Variants in UTP14A observed in about 807,000 individuals in gnomAD.
The protein encoded by UTP14A is UTP14A small subunit processome component.
In UTP14A, 5 loss-of-function variants were observed where a neutral mutation model predicts 57.2. The ratio of observed to expected loss-of-function variants is 0.09; its 90% CI spans 0.05 to 0.18. The LOEUF (loss-of-function observed/expected upper bound fraction) is 0.18. Among genes scored for constraint, UTP14A ranks in the 10% least tolerant of loss-of-function variants. The pLI is 1.00. For missense variants in UTP14A, 430 were observed against 562.1 expected (o/e 0.76, Z 2.38); for synonymous variants, 169 against 210.9 (o/e 0.80, Z 1.72).
intron 1 of UTP14A, 46 bp downstream of exon 1, chrX:129,906,282 C>T (rs1205332426): frequency 8.6e-7 from 1 of 1,157,379 alleles, no homozygotes. Context: ...TCGTTGGGGG[C>T]CGGGTTCCCC....
rs1000252682 is a variant in UTP14A at position 129,914,525 on chromosome X, C to T, written c.537+2604C>T. Among the ~76,000 whole-genome samples, 11 of 108,491 alleles carry T rather than the reference C, an allele frequency of 1.0e-4. No homozygotes were observed. In the Admixed American group the frequency reaches 1.1e-3, roughly 11 times the overall value. The allele number at this position is 108,491 out of a possible 115,157, so 94.2% of individuals were successfully genotyped here. A position where few individuals can be genotyped will look rare whatever the true frequency, so the allele number is the denominator to read the frequency against. ...CCAGGAGGCAGAAGGTACAGTGAGC[C>T]GAGATCACGCCACTGCACTCCAGCC... On this transcript the variant is annotated intron_variant, in intron 6 of 14. Coordinates refer to ENST00000394422, the MANE Select transcript of UTP14A (RefSeq NM_006649.4).
chrX:129,926,438 GATCTTGACCGCAGAATCA>G, intron 14 of UTP14A, 99 bp downstream of exon 14: 1 of 706,064 alleles, frequency 1.4e-6, no homozygotes, highest in Non-Finnish European at 2.2e-6. Flanking sequence ...AGAGACGTGT[GATCTTGACCGCAGAATCA>G]AATCTGTTGT....
rs770217339 is a variant in UTP14A at position 129,919,738 on chromosome X, C to T, written c.752+249C>T. 2.7e-5 allele frequency among the ~76,000 whole-genome samples: 3 copies of T among 112,316 alleles called. No individual in the cohort carries two copies. The South Asian group carries it at 1.1e-3, about 41-fold the overall frequency. Reference sequence around the variant, plus strand: ...GGTTCTGCAGAATCAGCTCTGAATTCCAGAGCTGTTAAGGCCAATAGGGCT... The same window carrying T: ...GGTTCTGCAGAATCAGCTCTGAATTTCAGAGCTGTTAAGGCCAATAGGGCT... On this transcript the variant is annotated intron_variant, in intron 8 of 14. Transcript: ENST00000394422.
rs759469659 is a variant in UTP14A at position 129,906,175 on chromosome X, C to T, written c.-36C>T. The T allele has an allele frequency of 3.3e-6, 4 of 1,209,581 alleles. No homozygotes were observed. The highest frequency in any genetic ancestry group is 4.5e-6 in the Non-Finnish European group (4 of 893,667). ...ACGGAAATTGCTTTCCTTCGGCTTC[C>T]GTTCTTGGTCCATGTGAGAGAAGCT... On this transcript the variant is annotated 5_prime_UTR_variant, in exon 1 of 15. Coordinates refer to ENST00000394422, the MANE Select transcript of UTP14A (RefSeq NM_006649.4).
chrX:129,907,544 A>T (rs1929297683), intron 2 of UTP14A, 102 bp downstream of exon 2: 3 of 693,166 alleles, frequency 4.3e-6, no homozygotes, highest in Non-Finnish European at 6.4e-6. Context: ...AGGTCTCTCA[A>T]ATAAATTGCA....
Position 129,906,199 on chromosome X carries a change from C to G in UTP14A, c.-12C>G. ...CCGTTCTTGGTCCATGTGAGAGAAGCTGGCTGCTGAAATGACTGCGAACCG... is the reference window on the plus strand; with the variant it reads ...CCGTTCTTGGTCCATGTGAGAGAAGGTGGCTGCTGAAATGACTGCGAACCG... On this transcript the variant is annotated 5_prime_UTR_variant, in exon 1 of 15. Transcript: ENST00000394422. 9.9e-6 allele frequency: 12 copies of G among 1,210,550 alleles called. No individual in the cohort carries two copies. Among genetic ancestry groups the G allele is most frequent in the Non-Finnish European group, 1.3e-5 (12 of 894,829 alleles).
intron 13 of UTP14A, 27 bp downstream of exon 13, chrX:129,926,139 A>G (rs772956453): frequency 8.3e-6 from 10 of 1,208,078 alleles, no homozygotes; most frequent in South Asian, 1.8e-5. Flanking sequence ...AAGTCTGTCA[A>G]AAGGGCACCG....
intron 6 of UTP14A, among the ~76,000 whole-genome samples, chrX:129,915,253 T>C (rs1350848865): frequency 3.6e-5 from 4 of 110,169 alleles, no homozygotes; most frequent in Non-Finnish European, 5.7e-5. Context: ...GGGCCGGGCG[T>C]GGTGGCTCAC....
chrX:129,919,542 G>A (rs1929830211), intron 8 of UTP14A, 53 bp downstream of exon 8: 1 of 1,156,813 alleles, frequency 8.6e-7, no homozygotes, highest in Non-Finnish European at 1.2e-6. Context: ...AAGTCATGTG[G>A]TTCATCATGA....
intron 14 of UTP14A, among the ~76,000 whole-genome samples, chrX:129,928,702 G>T (rs1463280726): frequency 2.7e-5 from 3 of 109,909 alleles, no homozygotes; most frequent in African/African-American, 9.9e-5. Flanking sequence ...TGCAGTGAGC[G>T]GAGATCGTGC....
intron 14 of UTP14A, among the ~76,000 whole-genome samples, chrX:129,927,298 TA>T (rs769130562): frequency 8.1e-5 from 9 of 111,510 alleles, no homozygotes; most frequent in Non-Finnish European, 1.3e-4. Flanking sequence ...TCAAGGTGCC[TA>T]GGGGGGACTT....
At chrX:129,911,438 C>T (rs1004572347) in intron 5 of UTP14A, among the ~76,000 whole-genome samples, 2 of 110,388 alleles carry the variant, frequency 1.8e-5, no homozygotes, top group African/African-American at 6.6e-5. Context: ...CAAAATTAGC[C>T]GGGTGTGGTG....
chrX:129,929,278 C>T, intron 14 of UTP14A, 58 bp from the exon 15 acceptor site: 1 of 1,158,891 alleles, frequency 8.6e-7, no homozygotes, highest in African/African-American at 1.8e-5. Context: ...GCTGCCATTA[C>T]AGTATACAAC....
intron 3 of UTP14A, chrX:129,908,466 C>T: frequency 2.2e-6 from 1 of 458,361 alleles, no homozygotes; most frequent in Non-Finnish European, 3.8e-6. Context: ...ACTATGCTTA[C>T]CTTGTAATAA....
intron 4 of UTP14A, among the ~76,000 whole-genome samples, chrX:129,910,598 G>A (rs751579402): frequency 8.9e-6 from 1 of 111,829 alleles, no homozygotes; most frequent in African/African-American, 3.2e-5. Context: ...GATTGCCTGA[G>A]CCTGGGAGGC....
At chrX:129,913,884 G>C (rs778896874) in intron 6 of UTP14A, among the ~76,000 whole-genome samples, 2 of 111,857 alleles carry the variant, frequency 1.8e-5, no homozygotes, top group African/African-American at 3.2e-5. Flanking sequence ...GGGGGGCTGA[G>C]GCAGGAGGAT....
intron 6 of UTP14A, among the ~76,000 whole-genome samples, chrX:129,916,472 C>G (rs967705577): frequency 7.2e-5 from 8 of 111,603 alleles, no homozygotes; most frequent in African/African-American, 2.6e-4. Context: ...TTGGAAACCT[C>G]AGTCATTTGA....
chrX:129,906,314 C>T (rs909541993), intron 1 of UTP14A, 78 bp downstream of exon 1: 65 of 990,291 alleles, frequency 6.6e-5, no homozygotes, highest in Non-Finnish European at 8.9e-5. Context: ...AATGGGAGCC[C>T]CCCCTTTAAC....
intron 6 of UTP14A, 104 bp downstream of exon 6, chrX:129,912,025 G>A (rs1254758071): frequency 9.8e-7 from 1 of 1,019,611 alleles, no homozygotes; most frequent in African/African-American, 1.9e-5. Flanking sequence ...CCCAGCATAA[G>A]TCATTTTAGC....
Sources: gnomAD v4.1 joint callset for allele counts (sites outside exome capture counted in the v4.1 genomes callset) on GRCh38, gnomAD v4.1.1 for gene constraint, MANE v1.5 for transcripts, NCBI Gene and HGNC (gene_info 2026-07-23, HGNC 2026-07-21) for gene names.